The following IL1RAPL2 variants were observed in gnomAD, a reference collection of about 807,000 sequenced individuals.
IL1RAPL2 encodes the protein X-linked interleukin-1 receptor accessory protein-like 2.
A neutral mutation model predicts 44.1 loss-of-function variants in IL1RAPL2; 3 were observed. The observed-to-expected ratio is 0.07, with a 90% CI of 0.03 to 0.18. IL1RAPL2 has a LOEUF of 0.18. Ranked by LOEUF, IL1RAPL2 falls within the 10% of genes least tolerant of loss-of-function variation. IL1RAPL2 has a pLI of 1.00. For synonymous variants in IL1RAPL2, 181 were observed against 178.8 expected (o/e 1.01, Z -0.10); for missense variants, 391 against 496.4 (o/e 0.79, Z 2.02).
chrX:105,533,291 A>G (rs1392346867), intron 6 of IL1RAPL2, among the ~76,000 whole-genome samples: 2 of 112,569 alleles, frequency 1.8e-5, no homozygotes. Context: ...TTTTATTTTG[A>G]AATCATTATA....
chrX:104,621,493 C>G (rs1303212919), intron 1 of IL1RAPL2, among the ~76,000 whole-genome samples: 1 of 107,478 alleles, frequency 9.3e-6, no homozygotes, highest in Non-Finnish European at 1.9e-5. Context: ...CTCTGCCGTA[C>G]CCCCAGGGTG....
At chrX:105,670,717 G>A (rs1191306096) in intron 6 of IL1RAPL2, among the ~76,000 whole-genome samples, 1 of 109,420 alleles carries the variant, frequency 9.1e-6, no homozygotes, top group Non-Finnish European at 1.9e-5. Context: ...TCCAATTCAC[G>A]AACACACTGT....
intron 2 of IL1RAPL2, among the ~76,000 whole-genome samples, chrX:104,976,576 C>T (rs749732541): frequency 3.0e-4 from 33 of 111,701 alleles, no homozygotes; most frequent in African/African-American, 9.8e-4. Flanking sequence ...TAGGATGGGC[C>T]TCCAACCCAT....
chrX:105,040,760 ATTC>A (rs1343346877), intron 2 of IL1RAPL2, among the ~76,000 whole-genome samples: 1 of 108,974 alleles, frequency 9.2e-6, no homozygotes, highest in Non-Finnish European at 1.9e-5. Flanking sequence ...TGTCTATTTG[ATTC>A]TTCTTTTTTT....
intron 6 of IL1RAPL2, among the ~76,000 whole-genome samples, chrX:105,623,017 A>C (rs1282152155): frequency 9.0e-6 from 1 of 111,259 alleles, no homozygotes; most frequent in Admixed American, 9.6e-5. Flanking sequence ...TGTGACCTGT[A>C]AAATGGGGGA....
At chrX:105,424,161 G>A (rs775059715) in intron 5 of IL1RAPL2, among the ~76,000 whole-genome samples, 1 of 112,347 alleles carries the variant, frequency 8.9e-6, no homozygotes, top group Non-Finnish European at 1.9e-5. Context: ...ATGCACACCC[G>A]TGACACAGCT....
intron 2 of IL1RAPL2, among the ~76,000 whole-genome samples, chrX:105,166,866 C>A (rs1204113598): frequency 8.9e-6 from 1 of 111,999 alleles, no homozygotes; most frequent in East Asian, 2.8e-4. Context: ...CAGGAGAAGT[C>A]TTCTTGGTTG....
intron 1 of IL1RAPL2, among the ~76,000 whole-genome samples, chrX:104,648,841 T>C (rs58936272): frequency 2.7e-5 from 3 of 111,340 alleles, no homozygotes; most frequent in African/African-American, 6.5e-5. Flanking sequence ...TTGTGGACTA[T>C]GTATGGAGCC....
chrX:105,447,248 A>C (rs2035969433), intron 5 of IL1RAPL2, among the ~76,000 whole-genome samples: 1 of 28,498 alleles, frequency 3.5e-5, no homozygotes, highest in Non-Finnish European at 4.3e-5. Flanking sequence ...ATAAATATAA[A>C]TATATATAAA....
intron 6 of IL1RAPL2, among the ~76,000 whole-genome samples, chrX:105,642,374 A>G (rs2037575679): frequency 8.9e-6 from 1 of 112,257 alleles, no homozygotes; most frequent in South Asian, 3.7e-4. Context: ...CTTGGTGTCA[A>G]TTGGGTTCCT....
chrX:104,859,876 C>A (rs1922451861), intron 2 of IL1RAPL2, among the ~76,000 whole-genome samples: 1 of 111,663 alleles, frequency 9.0e-6, no homozygotes, highest in African/African-American at 3.2e-5. Context: ...AGTGGACAGG[C>A]AGAATAGAGT....
intron 5 of IL1RAPL2, among the ~76,000 whole-genome samples, chrX:105,380,088 G>C (rs754341091): frequency 8.9e-5 from 10 of 112,042 alleles, no homozygotes; most frequent in African/African-American, 2.6e-4. Flanking sequence ...AATATGTCAA[G>C]TTTCTTTGCT....
At chrX:104,687,703 C>A (rs1931013537) in intron 2 of IL1RAPL2, among the ~76,000 whole-genome samples, 1 of 111,128 alleles carries the variant, frequency 9.0e-6, no homozygotes, top group Non-Finnish European at 1.9e-5. Context: ...TCTGTCTTTG[C>A]CCTGGCCTTA....
intron 2 of IL1RAPL2, among the ~76,000 whole-genome samples, chrX:105,013,219 G>T (rs976474111): frequency 4.5e-5 from 5 of 111,089 alleles, no homozygotes; most frequent in Non-Finnish European, 9.5e-5. Context: ...CAGAGTCTTG[G>T]ACAACTCTGT....
At chrX:104,798,833 A>C (rs1932867645) in intron 2 of IL1RAPL2, among the ~76,000 whole-genome samples, 1 of 110,411 alleles carries the variant, frequency 9.1e-6, no homozygotes, top group African/African-American at 3.3e-5. Flanking sequence ...TCCTAATATC[A>C]CTAGGTCCCT....
At chrX:105,048,743 T>C (rs1380533496) in intron 2 of IL1RAPL2, among the ~76,000 whole-genome samples, 1 of 111,658 alleles carries the variant, frequency 9.0e-6, no homozygotes, top group Non-Finnish European at 1.9e-5. Context: ...CAGGATATGA[T>C]TAAGCCACTA....
At chrX:105,217,664 G>T (rs889281296) in intron 3 of IL1RAPL2, among the ~76,000 whole-genome samples, 1 of 111,895 alleles carries the variant, frequency 8.9e-6, no homozygotes, top group Non-Finnish European at 1.9e-5. Flanking sequence ...TGTTTATTGC[G>T]GCACTATTCA....
At chrX:105,436,858 G>A (rs765656335) in intron 5 of IL1RAPL2, among the ~76,000 whole-genome samples, 19 of 109,657 alleles carry the variant, frequency 1.7e-4, no homozygotes, top group Admixed American at 1.7e-3. Context: ...ATATAGAAAT[G>A]TAGATAACAC....
intron 6 of IL1RAPL2, among the ~76,000 whole-genome samples, chrX:105,602,390 A>G (rs972163688): frequency 3.8e-5 from 4 of 105,705 alleles, no homozygotes; most frequent in Non-Finnish European, 7.8e-5. Flanking sequence ...AACCAGTAAG[A>G]AAAAAAAAAA....
Sources: gnomAD v4.1 joint callset for allele counts (sites outside exome capture counted in the v4.1 genomes callset) on GRCh38, gnomAD v4.1.1 for gene constraint, MANE v1.5 for transcripts, NCBI Gene and HGNC (gene_info 2026-07-23, HGNC 2026-07-21) for gene names.